KCNMA1: variants seen among roughly 807,000 people sequenced by gnomAD.
The protein encoded by KCNMA1 is Calcium-activated potassium channel subunit alpha-1.
A neutral mutation model predicts 140.0 loss-of-function variants in KCNMA1; 29 were observed. The observed-to-expected ratio is 0.21, with a 90% CI of 0.15 to 0.28. The LOEUF (loss-of-function observed/expected upper bound fraction) is 0.28, where lower values mean the gene tolerates loss of function less well. Ranked by LOEUF, KCNMA1 falls within the 10% of genes least tolerant of loss-of-function variation. The pLI is 1.00. For missense variants in KCNMA1, 880 were observed against 1,602.2 expected, an observed-to-expected ratio of 0.55 and a Z score of 7.70; for synonymous variants, 612 against 611.9, an observed-to-expected ratio of 1.00 and a Z score of 0.00.
intron 1 of KCNMA1, among the ~76,000 whole-genome samples, chr10:77,464,589 A>T (rs1375920558): frequency 6.6e-6 from 1 of 152,164 alleles, no homozygotes; most frequent in African/African-American, 2.4e-5. Context: ...GACATTCAAT[A>T]TCACTACTGC....
At chr10:77,224,087 C>T (rs561759479) in intron 3 of KCNMA1, among the ~76,000 whole-genome samples, 1 of 152,326 alleles carries the variant, frequency 6.6e-6, no homozygotes, top group African/African-American at 2.4e-5. Flanking sequence ...TGCCTTCTCA[C>T]TTTGCCATAT....
intron 3 of KCNMA1, among the ~76,000 whole-genome samples, chr10:77,218,726 G>A (rs924382025): frequency 1.5e-4 from 22 of 148,568 alleles, no homozygotes; most frequent in African/African-American, 3.9e-4. Flanking sequence ...TCACTCCATC[G>A]ACCAGGCTGG....
At chr10:76,938,446 G>A (rs528701178) in intron 23 of KCNMA1, among the ~76,000 whole-genome samples, 1 of 152,222 alleles carries the variant, frequency 6.6e-6, no homozygotes, top group South Asian at 2.1e-4. Flanking sequence ...TCCAGTCCAA[G>A]GTTTCAGGCT....
intron 9 of KCNMA1, among the ~76,000 whole-genome samples, chr10:77,102,535 G>C (rs1462564189): frequency 6.6e-6 from 1 of 152,246 alleles, no homozygotes; most frequent in East Asian, 1.9e-4. Context: ...GCACTGCTCA[G>C]GCAGGTTGGG....
chr10:77,188,825 C>T (rs1241212836), intron 3 of KCNMA1, among the ~76,000 whole-genome samples: 1 of 152,144 alleles, frequency 6.6e-6, no homozygotes, highest in African/African-American at 2.4e-5. Flanking sequence ...GTGAGGGCTA[C>T]CCAGGTTTTT....
chr10:77,521,786 C>A (rs1419285963), intron 1 of KCNMA1, among the ~76,000 whole-genome samples: 1 of 152,182 alleles, frequency 6.6e-6, no homozygotes, highest in African/African-American at 2.4e-5. Context: ...CTCACCCCAT[C>A]TCCCAACACC....
downstream of KCNMA1, chr10:76,874,860 G>A (rs548449508): frequency 6.6e-6 from 1 of 152,316 alleles, no homozygotes; most frequent in East Asian, 1.9e-4. Context: ...AGGTTATGAT[G>A]GTGATGATAT....
chr10:77,375,758 G>A (rs2095056892), intron 2 of KCNMA1, among the ~76,000 whole-genome samples: 2 of 152,250 alleles, frequency 1.3e-5, no homozygotes, highest in African/African-American at 2.4e-5. Flanking sequence ...CAGAGGTCAT[G>A]CCCTTCAGGG....
At chr10:77,313,552 G>A (rs889437574) in intron 2 of KCNMA1, among the ~76,000 whole-genome samples, 24 of 152,188 alleles carry the variant, frequency 1.6e-4, no homozygotes, top group African/African-American at 5.8e-4. Flanking sequence ...ACAGCGAACA[G>A]GATGTGTCAT....
At chr10:77,244,271 C>T (rs2058051760) in intron 3 of KCNMA1, among the ~76,000 whole-genome samples, 1 of 152,162 alleles carries the variant, frequency 6.6e-6, no homozygotes, top group Non-Finnish European at 1.5e-5. Flanking sequence ...AACAGTGGCA[C>T]CAGTTGGGAT....
intron 2 of KCNMA1, among the ~76,000 whole-genome samples, chr10:77,386,465 G>A (rs1003705877): frequency 9.2e-5 from 14 of 152,166 alleles, no homozygotes; most frequent in South Asian, 4.1e-4. Flanking sequence ...CTTGTCAGCC[G>A]TCTTCCAAGC....
At chr10:77,508,621 TC>T (rs2047156611) in intron 1 of KCNMA1, among the ~76,000 whole-genome samples, 1 of 141,960 alleles carries the variant, frequency 7.0e-6, no homozygotes, top group Non-Finnish European at 1.5e-5. Context: ...TCTCCCTCTC[TC>T]TCTCTTTTTT....
chr10:77,460,933 C>T (rs1335361337), intron 1 of KCNMA1, among the ~76,000 whole-genome samples: 2 of 152,056 alleles, frequency 1.3e-5, no homozygotes, highest in East Asian at 1.9e-4. Flanking sequence ...CGGTGAAACC[C>T]CATCTCTACT....
At chr10:77,583,914 C>T (rs978574948) in intron 1 of KCNMA1, among the ~76,000 whole-genome samples, 3 of 152,132 alleles carry the variant, frequency 2.0e-5, no homozygotes, top group Admixed American at 6.5e-5. Context: ...GGAGGTATAA[C>T]CATATGTAGA....
intron 19 of KCNMA1, chr10:76,974,571 TG>T (rs1351227092): frequency 6.5e-7 from 1 of 1,541,742 alleles, no homozygotes; most frequent in Non-Finnish European, 8.8e-7. Flanking sequence ...GCTGCAACCT[TG>T]ACTGCCAAAC....
chr10:77,409,475 C>A (rs1348181674), intron 1 of KCNMA1, among the ~76,000 whole-genome samples: 1 of 152,164 alleles, frequency 6.6e-6, no homozygotes, highest in Non-Finnish European at 1.5e-5. Flanking sequence ...CCCGATAAGA[C>A]AATTGCTCCA....
intron 16 of KCNMA1, chr10:77,019,915 A>G (rs2092632256): frequency 6.6e-6 from 1 of 152,202 alleles, no homozygotes; most frequent in African/African-American, 2.4e-5. Context: ...AAGTGGCATA[A>G]ATAGATTAGC....
At chr10:77,205,238 AT>A (rs1416923992) in intron 3 of KCNMA1, among the ~76,000 whole-genome samples, 3 of 152,088 alleles carry the variant, frequency 2.0e-5, no homozygotes, top group Non-Finnish European at 4.4e-5. Context: ...CAAATGATAT[AT>A]TTTTTTGTGC....
chr10:77,351,322 T>C (rs2092850915), intron 2 of KCNMA1, among the ~76,000 whole-genome samples: 1 of 152,140 alleles, frequency 6.6e-6, no homozygotes, highest in East Asian at 1.9e-4. Context: ...ACCACCAGGA[T>C]ATTTGGGGAA....
Sources: gnomAD v4.1 joint callset for allele counts (sites outside exome capture counted in the v4.1 genomes callset) on GRCh38, gnomAD v4.1.1 for gene constraint, MANE v1.5 for transcripts, NCBI Gene and HGNC (gene_info 2026-07-23, HGNC 2026-07-21) for gene names.